The following MAP3K3 variants were observed in gnomAD, a reference collection of about 807,000 sequenced individuals.
The protein encoded by MAP3K3 is MAP/ERK kinase kinase 3.
MAP3K3 carries 12 observed loss-of-function variants against 80.9 expected under a neutral mutation model. The observed-to-expected ratio is 0.15, with a 90% confidence interval of 0.10 to 0.24. The LOEUF (loss-of-function observed/expected upper bound fraction) is 0.24. Among genes scored for constraint, MAP3K3 ranks in the 10% least tolerant of loss-of-function variants. MAP3K3 has a pLI of 1.00. For synonymous variants in MAP3K3, 272 were observed against 307.1 expected (o/e 0.89, Z 1.19); for missense variants, 596 against 834.7 (o/e 0.71, Z 3.52).
In MAP3K3 at chr17:63,632,667, C is replaced by G. The variant is rs367901029; in HGVS notation, c.5-14C>G. On this transcript the variant is annotated splice_polypyrimidine_tract_variant and intron_variant, in intron 1 of 15. Transcript: ENST00000361733. ...ATTTAAGTGTCTTAGTCCATGTGCT[C>G]TCTTTCATTGCAGACGAACAGGAGG... The G allele has an allele frequency of 6.2e-7, 1 of 1,613,666 alleles. No individual in the cohort carries two copies. Among genetic ancestry groups the G allele is most frequent in the Non-Finnish European group, 8.5e-7 (1 of 1,179,892 alleles).
Position 63,685,519 on chromosome 17 carries a change from G to A in MAP3K3, c.639G>A (p.Met213Ile), listed in dbSNP as rs542260882. 111 of 1,613,944 alleles carry A rather than the reference G, an allele frequency of 6.9e-5. 1 individual carries two copies. In the South Asian group the frequency reaches 1.1e-3, roughly 17 times the overall value. The change falls in exon 8 of 16, where the codon ATG (methionine) becomes ATA (isoleucine). Residue 213 changes from methionine (M) to isoleucine (I), a missense_variant and splice_region_variant. Transcript: ENST00000361733. ...TCATTGTTTGACTTGCCTTACAGAT[G>A]CTGGATCCCCTGAGCAGTGCAGAAA... is the stretch of plus-strand genomic sequence containing the variant. ...EFIPETSEQC[M>I]LDPLSSAENS...
intron 2 of MAP3K3, 150 bp downstream of exon 2, chr17:63,632,952 A>G (rs959720522): frequency 1.7e-5 from 17 of 1,030,040 alleles, no homozygotes; most frequent in African/African-American, 3.2e-5. Context: ...AGTAATACAT[A>G]CCAACCAGGT....
At chr17:63,679,592 C>T (rs574613679) in intron 6 of MAP3K3, among the ~76,000 whole-genome samples, 19 of 152,296 alleles carry the variant, frequency 1.2e-4, no homozygotes, top group Admixed American at 1.0e-3. Context: ...AAGCAGTCCT[C>T]CTGTCTCAGT....
At chr17:63,657,090 A>G (rs1442847379) in intron 4 of MAP3K3, among the ~76,000 whole-genome samples, 2 of 152,108 alleles carry the variant, frequency 1.3e-5, no homozygotes, top group Non-Finnish European at 2.9e-5. Context: ...TTTTATTTGT[A>G]TAACAATTTT....
At chr17:63,648,063 T>A (rs2034574571) in intron 3 of MAP3K3, among the ~76,000 whole-genome samples, 1 of 152,198 alleles carries the variant, frequency 6.6e-6, no homozygotes. Context: ...TCCTTCCCTT[T>A]GGAAATGTTA....
chr17:63,690,530 C>A, intron 12 of MAP3K3, 118 bp downstream of exon 12: 1 of 1,144,980 alleles, frequency 8.7e-7, no homozygotes, highest in South Asian at 1.5e-5. Flanking sequence ...TCTTCCCAAA[C>A]TCCCTTTCTG....
intron 3 of MAP3K3, among the ~76,000 whole-genome samples, chr17:63,646,852 A>G (rs943547005): frequency 6.6e-6 from 1 of 152,194 alleles, no homozygotes; most frequent in South Asian, 2.1e-4. Context: ...ATGTTTGTGC[A>G]TGTGCGGCAC....
chr17:63,682,362 T>C (rs1286027841), intron 7 of MAP3K3: 1 of 152,480 alleles, frequency 6.6e-6, no homozygotes, highest in African/African-American at 2.4e-5. Context: ...TTTATGATGG[T>C]AGACAGTTGT....
rs201065085 is a variant in MAP3K3, at chr17:63,632,816, T to C, written c.126+14T>C. The C allele has an allele frequency of 4.6e-5, 75 of 1,613,574 alleles. No homozygotes were observed. Among genetic ancestry groups the C allele is most frequent in the Non-Finnish European group, 6.2e-5 (73 of 1,179,812 alleles). On this transcript the variant is annotated intron_variant, in intron 2 of 15. Coordinates refer to ENST00000361733, the MANE Select transcript of MAP3K3 (RefSeq NM_002401.5). ...TCAAATAGGCAGGTGTGTGTGACCC[T>C]GGCAGAGCTAAGTGAGATTTGTTGG...
intron 2 of MAP3K3, among the ~76,000 whole-genome samples, chr17:63,645,142 T>C (rs2034516922): frequency 6.6e-6 from 1 of 152,232 alleles, no homozygotes; most frequent in African/African-American, 2.4e-5. Flanking sequence ...AGCACAAATA[T>C]TATATGCCAT....
At position 63,691,934 on chromosome 17, in the gene MAP3K3, C is replaced by T. The variant is rs1239922354; in HGVS notation, c.1474+72C>T. On this transcript the variant is annotated intron_variant, in intron 14 of 15. Transcript: ENST00000361733. This position sits in a 1 kb window ranked among gnomAD's most constrained non-coding sequence, Gnocchi z 4.8. ...TCTACCATTGAGTGCCTGCAGGGGCCAATCACTTAACCATTCTGAACTTTC... is the reference window on the plus strand; with the variant it reads ...TCTACCATTGAGTGCCTGCAGGGGCTAATCACTTAACCATTCTGAACTTTC... 1.3e-6 allele frequency: 2 copies of T among 1,519,034 alleles called. No homozygotes were observed. Among genetic ancestry groups the T allele is most frequent in the Admixed American group, 3.5e-5 (2 of 57,388 alleles). 94.1% of individuals were successfully genotyped at this position (1,519,034 alleles called of 1,614,324 possible). A position where few individuals can be genotyped will look rare whatever the true frequency, so the allele number is the denominator to read the frequency against.
In MAP3K3 at chr17:63,693,684, C is replaced by G; in HGVS notation, c.1788C>G (p.Gly596=). The change falls in exon 16 of 16, where the codon GGC becomes GGG. Residue 596 remains glycine (G), a synonymous_variant. Transcript: ENST00000361733. This position sits in a 1 kb window ranked among gnomAD's most constrained non-coding sequence, Gnocchi z 4.2. ...PQLPSHISEH[G]RDFLRRIFVE... ...TGCCCTCCCACATCTCTGAACATGG[C>G]CGGGACTTCCTGAGGCGCATTTTTG... The G allele has an allele frequency of 1.2e-6, 2 of 1,607,900 alleles. No individual in the cohort carries two copies. The highest frequency in any genetic ancestry group is 1.7e-6 in the Non-Finnish European group (2 of 1,176,678).
At chr17:63,626,081 C>G (rs1324323589) in intron 1 of MAP3K3, among the ~76,000 whole-genome samples, 2 of 151,916 alleles carry the variant, frequency 1.3e-5, no homozygotes, top group Admixed American at 1.3e-4. Flanking sequence ...GTCTCTAAAA[C>G]AAAAAACAAA....
chr17:63,668,255 G>A (rs1443865327), intron 6 of MAP3K3: 1 of 152,186 alleles, frequency 6.6e-6, no homozygotes, highest in Non-Finnish European at 1.5e-5. Context: ...GCCTCCTGAG[G>A]GAGTTACAGG....
At chr17:63,684,030 C>T (rs1175387970) in intron 7 of MAP3K3, among the ~76,000 whole-genome samples, 1 of 152,078 alleles carries the variant, frequency 6.6e-6, no homozygotes, top group Non-Finnish European at 1.5e-5. Context: ...CATAGTGGCA[C>T]ACCTGCCTGT....
At position 63,661,841 on chromosome 17, in the gene MAP3K3, C is replaced by T. The variant is rs571059356; in HGVS notation, c.381+3934C>T. 3.3e-5 allele frequency among the ~76,000 whole-genome samples: 5 copies of T among 152,288 alleles called. No homozygotes were observed. In the South Asian group the frequency reaches 8.3e-4, roughly 25 times the overall value. On this transcript the variant is annotated intron_variant, in intron 5 of 15. Coordinates refer to ENST00000361733, the MANE Select transcript of MAP3K3 (RefSeq NM_002401.5). ...ACACTGGGCCGGGCGCGGTGGCTCA[C>T]GCCTGTAATCCCAGCACTTTGGGAG... is the stretch of plus-strand genomic sequence containing the variant.
intron 5 of MAP3K3, among the ~76,000 whole-genome samples, chr17:63,665,812 T>A (rs934524282): frequency 3.9e-5 from 6 of 152,220 alleles, no homozygotes; most frequent in African/African-American, 1.4e-4. Context: ...TGTGATAAAG[T>A]CTGGCATGGG....
intron 11 of MAP3K3, 162 bp from the exon 12 acceptor site, chr17:63,690,102 A>G: frequency 1.3e-6 from 1 of 768,838 alleles, no homozygotes; most frequent in Non-Finnish European, 2.1e-6. Flanking sequence ...CCGAGTGACT[A>G]GGGCACTGGG....
intron 4 of MAP3K3, among the ~76,000 whole-genome samples, chr17:63,657,452 G>C (rs1249797784): frequency 6.6e-6 from 1 of 152,166 alleles, no homozygotes; most frequent in African/African-American, 2.4e-5. Context: ...CAAATCAATA[G>C]AGATAGAAAG....
Sources: allele counts gnomAD v4.1 joint callset (sites outside exome capture counted in the v4.1 genomes callset), GRCh38; gene constraint gnomAD v4.1.1; non-coding constraint Gnocchi (gnomAD v3.1); transcripts MANE v1.5; gene names NCBI Gene and HGNC (gene_info 2026-07-23, HGNC 2026-07-21).